Variants in HECW1 observed in about 807,000 individuals in gnomAD.
HECW1 encodes E3 ubiquitin-protein ligase HECW1.
A neutral mutation model predicts 182.3 loss-of-function variants in HECW1; 61 were observed. The ratio of observed to expected loss-of-function variants is 0.33; its 90% CI spans 0.27 to 0.41. The LOEUF is 0.41. Among genes scored for constraint, HECW1 ranks in the 10% least tolerant of loss-of-function variants. The pLI, the probability that HECW1 is intolerant of heterozygous loss-of-function variation, is 1.00. For synonymous variants in HECW1, 859 were observed against 832.6 expected, an observed-to-expected ratio of 1.03 and a Z score of -0.55; for missense variants, 1,739 against 2,108.9, an observed-to-expected ratio of 0.82 and a Z score of 3.44.
rs140230201 is a variant in HECW1 at position 43,183,261 on chromosome 7, C to T, written c.-31-60614C>T. Reference sequence around the variant, plus strand: ...CTTTCCCCTGTGAGAACAGCTCTTCCACTTCTACCACAAGTCTCACTTCCC... The same window carrying T: ...CTTTCCCCTGTGAGAACAGCTCTTCTACTTCTACCACAAGTCTCACTTCCC... On this transcript the variant is annotated intron_variant, in intron 2 of 29. Coordinates refer to ENST00000395891, the MANE Select transcript of HECW1 (RefSeq NM_015052.5). Among the ~76,000 whole-genome samples the T allele has an allele frequency of 2.6e-5, 4 of 152,260 alleles. No individual in the cohort carries two copies. The East Asian group carries it at 5.8e-4, about 22-fold the overall frequency.
Position 43,326,122 on chromosome 7 carries a change from G to A in HECW1, c.460+5380G>A, listed in dbSNP as rs114453824. Among the ~76,000 whole-genome samples the A allele has an allele frequency of 9.3e-3, 1,409 of 151,656 alleles. 27 individuals are homozygous for A. The highest frequency in any genetic ancestry group is 0.03 in the African/African-American group (1,256 of 41,310). On this transcript the variant is annotated intron_variant, in intron 5 of 29. Coordinates refer to ENST00000395891, the MANE Select transcript of HECW1 (RefSeq NM_015052.5). The stretch of plus-strand genomic sequence containing the variant: ...GACAGTGCCCTCTTGCTGTTTCTGC[G>A]TAGGACCAGAGGGGCCAAAGGGGCT...
intron 8 of HECW1, among the ~76,000 whole-genome samples, chr7:43,415,577 C>T (rs1410630988): frequency 6.6e-6 from 1 of 151,764 alleles, no homozygotes; most frequent in Non-Finnish European, 1.5e-5. Flanking sequence ...CATTGGCCTG[C>T]CTTGCTAGAT....
Position 43,280,818 on chromosome 7 carries a change from A to G in HECW1, c.28-30945A>G, listed in dbSNP as rs147378147. Among the ~76,000 whole-genome samples the G allele has an allele frequency of 4.2e-3, 638 of 152,276 alleles. 4 individuals are homozygous for G. Among genetic ancestry groups the G allele is most frequent in the African/African-American group, 0.014 (572 of 41,558 alleles). ...AAGAACCCCAGCCAACTATATCCTCAGGTGGACAATAACACTCTTGCTCAC... is the reference window on the plus strand; with the variant it reads ...AAGAACCCCAGCCAACTATATCCTCGGGTGGACAATAACACTCTTGCTCAC... On this transcript the variant is annotated intron_variant, in intron 3 of 29. Transcript: ENST00000395891.
intron 2 of HECW1, among the ~76,000 whole-genome samples, chr7:43,221,774 C>T (rs773095238): frequency 2.2e-5 from 3 of 134,062 alleles, no homozygotes; most frequent in East Asian, 2.2e-4. Flanking sequence ...AGGATGGTGT[C>T]GATCTCGCAA....
intron 2 of HECW1, among the ~76,000 whole-genome samples, chr7:43,138,230 G>A (rs1006448757): frequency 6.6e-6 from 1 of 152,258 alleles, no homozygotes; most frequent in African/African-American, 2.4e-5. Flanking sequence ...GCATAAGCCA[G>A]TTGTTCAGGA....
intron 2 of HECW1, among the ~76,000 whole-genome samples, chr7:43,213,590 C>T (rs1025112476): frequency 2.0e-5 from 3 of 151,818 alleles, no homozygotes; most frequent in South Asian, 4.2e-4. Flanking sequence ...GGACTACAGG[C>T]GCCCGCCACC....
intron 6 of HECW1, among the ~76,000 whole-genome samples, chr7:43,365,512 G>A (rs1488308792): frequency 3.3e-5 from 5 of 152,190 alleles, no homozygotes; most frequent in Non-Finnish European, 7.3e-5. Context: ...TTAGAGGCTG[G>A]GTCATGTGTA....
At chr7:43,189,899 C>T (rs1793742296) in intron 2 of HECW1, among the ~76,000 whole-genome samples, 1 of 152,134 alleles carries the variant, frequency 6.6e-6, no homozygotes, top group Admixed American at 6.5e-5. Flanking sequence ...AGACCTGCAA[C>T]ATATTTTGAA....
At chr7:43,486,979 T>A (rs550960470) in intron 17 of HECW1, among the ~76,000 whole-genome samples, 2 of 152,258 alleles carry the variant, frequency 1.3e-5, no homozygotes, top group Non-Finnish European at 2.9e-5. Flanking sequence ...TGATGTTTAT[T>A]GCCCGCTTCT....
chr7:43,249,640 A>G (rs927169390), intron 3 of HECW1, among the ~76,000 whole-genome samples: 2 of 152,238 alleles, frequency 1.3e-5, no homozygotes, highest in Admixed American at 1.3e-4. Flanking sequence ...CACACTGCAT[A>G]GCTATTTTCT....
intron 29 of HECW1, among the ~76,000 whole-genome samples, chr7:43,558,531 G>A (rs1377558177): frequency 2.0e-5 from 3 of 152,156 alleles, no homozygotes; most frequent in African/African-American, 4.8e-5. Context: ...GACAATGTCT[G>A]GAGACATTTT....
chr7:43,312,013 C>G lies in HECW1; in HGVS notation c.278C>G (p.Ser93Cys). 6 of 1,614,248 alleles carry G rather than the reference C, an allele frequency of 3.7e-6. No individual in the cohort carries two copies. Among genetic ancestry groups the G allele is most frequent in the Non-Finnish European group, 5.1e-6 (6 of 1,180,050 alleles). Reference sequence around the variant, plus strand: ...AGCTCCTACTATTCCATCGGGCACTCTCAGGACCTGGTCATCCACTGGGAC... The same window carrying G: ...AGCTCCTACTATTCCATCGGGCACTGTCAGGACCTGGTCATCCACTGGGAC... ...VSSSYYSIGH[S>C]QDLVIHWDIK... Residue 93 changes from serine (S) to cysteine (C), a missense_variant, in exon 4 of 30, where the codon TCT (serine) becomes TGT (cysteine). Around this residue, in one of 5 missense-constraint regions of HECW1, gnomAD observed 279 missense variants for 353.1 expected, o/e 0.79. Transcript: ENST00000395891.
At chr7:43,439,488 A>G (rs190792585) in intron 9 of HECW1, 1 of 152,548 alleles carries the variant, frequency 6.6e-6, no homozygotes, top group East Asian at 1.9e-4. Context: ...TCTCTGCCCT[A>G]CTGGCTGCTC....
chr7:43,229,253 A>T (rs889675872), intron 2 of HECW1, among the ~76,000 whole-genome samples: 3 of 152,174 alleles, frequency 2.0e-5, no homozygotes, highest in Non-Finnish European at 4.4e-5. Context: ...TTACACCATA[A>T]TGGCTTTGAT....
chr7:43,365,114 G>A (rs778973775), intron 6 of HECW1, among the ~76,000 whole-genome samples: 2 of 152,224 alleles, frequency 1.3e-5, no homozygotes, highest in Admixed American at 6.5e-5. Context: ...CAGGCACCCA[G>A]CCGGCATCAT....
chr7:43,375,444 G>A (rs557555994), intron 6 of HECW1, among the ~76,000 whole-genome samples: 11 of 152,138 alleles, frequency 7.2e-5, no homozygotes, highest in Non-Finnish European at 1.2e-4. Context: ...GGCAGAAACC[G>A]GTAGTGAATA....
intron 2 of HECW1, among the ~76,000 whole-genome samples, chr7:43,195,642 C>T (rs888564150): frequency 6.6e-6 from 1 of 152,144 alleles, no homozygotes; most frequent in African/African-American, 2.4e-5. Flanking sequence ...GATGTCCAGA[C>T]TTTTGACACC....
At position 43,530,614 on chromosome 7, in the gene HECW1, C is replaced by T. The variant is rs186233537; in HGVS notation, c.4020-10549C>T. On this transcript the variant is annotated intron_variant, in intron 24 of 29. Transcript: ENST00000395891. ...CTTTATAAACTTCTCTCCATACTAACATATGAATTCTAAATTTATATTTTC... is the reference window on the plus strand; with the variant it reads ...CTTTATAAACTTCTCTCCATACTAATATATGAATTCTAAATTTATATTTTC... Among the ~76,000 whole-genome samples the T allele has an allele frequency of 5.3e-5, 8 of 152,256 alleles. No individual in the cohort carries two copies. The East Asian group carries it at 1.2e-3, about 22-fold the overall frequency.
chr7:43,440,512 G>A (rs2076852260), intron 9 of HECW1: 1 of 152,154 alleles, frequency 6.6e-6, no homozygotes, highest in African/African-American at 2.4e-5. Context: ...TTAAAGGCAG[G>A]GGCGATGTAT....
Sources: gnomAD v4.1 joint callset for allele counts (sites outside exome capture counted in the v4.1 genomes callset) on GRCh38, gnomAD v4.1.1 for gene constraint, gnomAD v4.1.1 regional missense constraint, MANE v1.5 for transcripts, NCBI Gene and HGNC (gene_info 2026-07-23, HGNC 2026-07-21) for gene names.